PLA2G10: variants seen among roughly 807,000 people sequenced by gnomAD.
PLA2G10 encodes the protein phospholipase A2 group X.
A neutral mutation model predicts 7.9 loss-of-function variants in PLA2G10; 9 were observed. The ratio of observed to expected loss-of-function variants is 1.14; its 90% CI spans 0.68 to 1.98. The LOEUF is 1.98. Among genes scored for constraint, PLA2G10 ranks in the 30% most tolerant of loss-of-function variants. PLA2G10 has a pLI of 0.00. For synonymous variants in PLA2G10, 19 were observed against 27.5 expected (o/e 0.69, Z 0.97); for missense variants, 53 against 65.4 (o/e 0.81, Z 0.66).
chr16:14,674,683 CAGAG>C (rs1192745810), intron 3 of PLA2G10, among the ~76,000 whole-genome samples: 1 of 150,822 alleles, frequency 6.6e-6, no homozygotes, highest in Non-Finnish European at 1.5e-5. Context: ...GCCTGGGTGA[CAGAG>C]AGACTCCATC....
chr16:14,673,473 G>T (rs1009243142), intron 3 of PLA2G10, among the ~76,000 whole-genome samples: 2 of 152,036 alleles, frequency 1.3e-5, no homozygotes, highest in Non-Finnish European at 2.9e-5. Context: ...CTGGACTCAA[G>T]CCATTCTCCC....
chr16:14,683,241 T>G (rs1199259555), intron 3 of PLA2G10, among the ~76,000 whole-genome samples: 1 of 149,352 alleles, frequency 6.7e-6, no homozygotes, highest in Non-Finnish European at 1.5e-5. Flanking sequence ...TTTTTGTTTT[T>G]TTTTTTTTTG....
At chr16:14,678,767 C>CAAAAA in intron 3 of PLA2G10, 1 of 312,282 alleles carries the variant, frequency 3.2e-6, no homozygotes, top group Admixed American at 3.7e-5. Context: ...AAGACTGTCT[C>CAAAAA]AAAAAAAAAA....
intron 3 of PLA2G10, among the ~76,000 whole-genome samples, chr16:14,685,861 G>C (rs1283494956): frequency 6.6e-6 from 1 of 151,910 alleles, no homozygotes; most frequent in African/African-American, 2.4e-5. Flanking sequence ...TTTTAGTAGA[G>C]ACGTGGTTTC....
intron 3 of PLA2G10, among the ~76,000 whole-genome samples, chr16:14,679,745 A>G (rs901794592): frequency 1.3e-5 from 2 of 150,814 alleles, no homozygotes; most frequent in Admixed American, 6.6e-5. Context: ...CAGCTACTTG[A>G]GAGGCTGAGG....
intron 3 of PLA2G10, among the ~76,000 whole-genome samples, chr16:14,674,384 A>G (rs1176200621): frequency 6.6e-6 from 1 of 152,144 alleles, no homozygotes; most frequent in African/African-American, 2.4e-5. Flanking sequence ...AGAAGAAACA[A>G]TCCTAAAATT....
At chr16:14,683,023 C>T (rs375820106) in intron 3 of PLA2G10, among the ~76,000 whole-genome samples, 4 of 151,946 alleles carry the variant, frequency 2.6e-5, no homozygotes, top group Non-Finnish European at 5.9e-5. Context: ...GGGCAGAGAT[C>T]GTGCCACTGC....
intron 3 of PLA2G10, among the ~76,000 whole-genome samples, chr16:14,687,487 G>A (rs997064087): frequency 6.6e-5 from 10 of 151,712 alleles, no homozygotes; most frequent in African/African-American, 2.2e-4. Flanking sequence ...GTGCCACCAC[G>A]CCTGGCCAAT....
intron 3 of PLA2G10, among the ~76,000 whole-genome samples, chr16:14,675,096 G>A (rs558384922): frequency 4.6e-5 from 7 of 151,918 alleles, no homozygotes; most frequent in African/African-American, 7.2e-5. Context: ...GCTTGAACCC[G>A]GGAGGAGGAG....
chr16:14,674,218 G>A (rs1331780896), intron 3 of PLA2G10, among the ~76,000 whole-genome samples: 1 of 151,750 alleles, frequency 6.6e-6, no homozygotes, highest in Non-Finnish European at 1.5e-5. Flanking sequence ...ACAAAACACT[G>A]CCGAAAGAAA....
At chr16:14,687,303 C>G (rs1961109894) in intron 3 of PLA2G10, among the ~76,000 whole-genome samples, 1 of 150,186 alleles carries the variant, frequency 6.7e-6, no homozygotes. Context: ...TTTTATATAT[C>G]TTTAGAAGTG....
At chr16:14,674,663 C>A (rs901418929) in intron 3 of PLA2G10, among the ~76,000 whole-genome samples, 1 of 151,596 alleles carries the variant, frequency 6.6e-6, no homozygotes, top group African/African-American at 2.4e-5. Flanking sequence ...ATCATGCCCC[C>A]TGCACTCCAG....
At chr16:14,683,064 A>G (rs1960936885) in intron 3 of PLA2G10, among the ~76,000 whole-genome samples, 1 of 151,812 alleles carries the variant, frequency 6.6e-6, no homozygotes, top group Non-Finnish European at 1.5e-5. Context: ...GCAAGACTCC[A>G]TCTCAAAACA....
At chr16:14,680,320 G>C (rs1960855293) in intron 3 of PLA2G10, among the ~76,000 whole-genome samples, 1 of 151,886 alleles carries the variant, frequency 6.6e-6, no homozygotes, top group South Asian at 2.1e-4. Flanking sequence ...GACTGATCTC[G>C]AACTCCTGAC....
At chr16:14,680,940 T>C (rs1960872810) in intron 3 of PLA2G10, among the ~76,000 whole-genome samples, 1 of 151,942 alleles carries the variant, frequency 6.6e-6, no homozygotes. Flanking sequence ...GGTGGGCAGA[T>C]CCCTTGAGGT....
chr16:14,674,065 A>T (rs775563267), intron 3 of PLA2G10, among the ~76,000 whole-genome samples: 2 of 152,158 alleles, frequency 1.3e-5, no homozygotes, highest in Admixed American at 1.3e-4. Context: ...TAGCACTGCT[A>T]TACATCAATA....
At chr16:14,686,309 G>C (rs1209650323) in intron 3 of PLA2G10, among the ~76,000 whole-genome samples, 1 of 151,822 alleles carries the variant, frequency 6.6e-6, no homozygotes, top group Non-Finnish European at 1.5e-5. Context: ...ACAGAAAATA[G>C]AAAAAAAGGG....
chr16:14,678,876 A>C, intron 3 of PLA2G10: 1 of 267,582 alleles, frequency 3.7e-6, no homozygotes, highest in Non-Finnish European at 7.6e-6. Context: ...TCTAGCCCCT[A>C]TCACTCTCCG....
At chr16:14,680,880 G>C (rs946232329) in intron 3 of PLA2G10, among the ~76,000 whole-genome samples, 1 of 151,998 alleles carries the variant, frequency 6.6e-6, no homozygotes, top group Non-Finnish European at 1.5e-5. Flanking sequence ...AAAAGCCTTA[G>C]AAAAGCCATT....
Sources: gnomAD v4.1 joint callset for allele counts (sites outside exome capture counted in the v4.1 genomes callset) on GRCh38, gnomAD v4.1.1 for gene constraint, MANE v1.5 for transcripts, NCBI Gene and HGNC (gene_info 2026-07-23, HGNC 2026-07-21) for gene names.